Variants in HS3ST5 observed in about 807,000 individuals in gnomAD.
HS3ST5 encodes heparan sulfate glucosamine 3-O-sulfotransferase 5.
A neutral mutation model predicts 25.4 loss-of-function variants in HS3ST5; 10 were observed. The observed-to-expected ratio is 0.39, with a 90% CI of 0.24 to 0.67. The LOEUF (loss-of-function observed/expected upper bound fraction) is 0.67. Among genes scored for constraint, HS3ST5 ranks in the 30% least tolerant of loss-of-function variants. The probability of loss-of-function intolerance (pLI) is 0.44; values close to 1 mark genes in which losing one functional copy is unlikely to be tolerated. For synonymous variants in HS3ST5, 170 were observed against 162.4 expected, an observed-to-expected ratio of 1.05 and a Z score of -0.36; for missense variants, 324 against 420.7, an observed-to-expected ratio of 0.77 and a Z score of 2.01.
At chr6:114,209,302 A>T (rs114834981) in intron 2 of HS3ST5, among the ~76,000 whole-genome samples, 2,104 of 152,140 alleles carry the variant, frequency 0.014, 59 homozygotes, top group African/African-American at 0.049. Context: ...TTAAATTTTT[A>T]AAAAATGTGC....
chr6:114,263,580 A>G (rs1016418418), intron 1 of HS3ST5, among the ~76,000 whole-genome samples: 1 of 152,180 alleles, frequency 6.6e-6, no homozygotes, highest in African/African-American at 2.4e-5. Flanking sequence ...CATTTCTTTT[A>G]AAGTTTCTAT....
At chr6:114,150,550 G>A (rs889833389) in intron 3 of HS3ST5, among the ~76,000 whole-genome samples, 15 of 152,306 alleles carry the variant, frequency 9.8e-5, no homozygotes, top group Admixed American at 3.3e-4. Context: ...ACCTTTATAT[G>A]AAGGACTGGA....
chr6:114,339,180 T>A (rs1776728006), intron 1 of HS3ST5, among the ~76,000 whole-genome samples: 1 of 152,190 alleles, frequency 6.6e-6, no homozygotes, highest in African/African-American at 2.4e-5. Flanking sequence ...AATATTCACA[T>A]AATTTCAATG....
chr6:114,288,339 C>T (rs1774427065), intron 1 of HS3ST5, among the ~76,000 whole-genome samples: 1 of 151,950 alleles, frequency 6.6e-6, no homozygotes, highest in African/African-American at 2.4e-5. Context: ...AAAATCAATG[C>T]AATGGTACAT....
At chr6:114,199,041 A>T (rs1780893377) in intron 2 of HS3ST5, among the ~76,000 whole-genome samples, 1 of 152,206 alleles carries the variant, frequency 6.6e-6, no homozygotes, top group Non-Finnish European at 1.5e-5. Flanking sequence ...TCCAAGACAT[A>T]GGGCAACTGT....
chr6:114,204,243 G>A (rs1781163930), intron 2 of HS3ST5, among the ~76,000 whole-genome samples: 1 of 152,154 alleles, frequency 6.6e-6, no homozygotes, highest in Non-Finnish European at 1.5e-5. Flanking sequence ...AGGGCTTTGG[G>A]AGAGACAGTG....
At chr6:114,119,164 C>G (rs765994667) in intron 3 of HS3ST5, among the ~76,000 whole-genome samples, 2 of 152,152 alleles carry the variant, frequency 1.3e-5, no homozygotes, top group South Asian at 4.2e-4. Flanking sequence ...GCCCACAAAC[C>G]TAAAGGGAAA....
At chr6:114,280,576 T>A (rs924197243) in intron 1 of HS3ST5, among the ~76,000 whole-genome samples, 1 of 152,052 alleles carries the variant, frequency 6.6e-6, no homozygotes, top group African/African-American at 2.4e-5. Flanking sequence ...AACTATTAAG[T>A]TACTTCTGAC....
intron 3 of HS3ST5, chr6:114,112,554 A>G (rs1329869186): frequency 6.6e-6 from 1 of 152,194 alleles, no homozygotes; most frequent in Non-Finnish European, 1.5e-5. Flanking sequence ...TAGAAAACTA[A>G]TGCCCACGGT....
At chr6:114,315,198 A>T (rs1247338560) in intron 1 of HS3ST5, among the ~76,000 whole-genome samples, 1 of 152,188 alleles carries the variant, frequency 6.6e-6, no homozygotes, top group Non-Finnish European at 1.5e-5. Flanking sequence ...ATATGTAAAC[A>T]TGAATGGTTA....
At chr6:114,340,754 A>G (rs1408433723) in intron 1 of HS3ST5, 1 of 152,234 alleles carries the variant, frequency 6.6e-6, no homozygotes, top group Non-Finnish European at 1.5e-5. Context: ...TTTGATATTC[A>G]TATTTGTAAT....
chr6:114,125,995 A>G (rs1343629459), intron 3 of HS3ST5, among the ~76,000 whole-genome samples: 1 of 152,224 alleles, frequency 6.6e-6, no homozygotes, highest in East Asian at 1.9e-4. Flanking sequence ...CATTGAGACA[A>G]CAAAGCTCTT....
chr6:114,168,902 T>C (rs539789412), intron 2 of HS3ST5, among the ~76,000 whole-genome samples: 3 of 152,336 alleles, frequency 2.0e-5, no homozygotes, highest in South Asian at 2.1e-4. Flanking sequence ...ATATCAATCA[T>C]TCTTACCTTT....
At chr6:114,158,026 C>T (rs1778780200) in intron 3 of HS3ST5, among the ~76,000 whole-genome samples, 1 of 152,320 alleles carries the variant, frequency 6.6e-6, no homozygotes, top group African/African-American at 2.4e-5. Context: ...GGAGCTGTCA[C>T]TTCTTTCAGG....
At chr6:114,134,766 C>T (rs1777511989) in intron 3 of HS3ST5, among the ~76,000 whole-genome samples, 1 of 152,146 alleles carries the variant, frequency 6.6e-6, no homozygotes, top group South Asian at 2.1e-4. Flanking sequence ...AGGGGAGATG[C>T]CTTAGCCCCT....
chr6:114,258,927 A>G (rs897561491), intron 1 of HS3ST5, among the ~76,000 whole-genome samples: 1 of 152,164 alleles, frequency 6.6e-6, no homozygotes. Context: ...GATATGGAAA[A>G]CAAACATTAA....
At chr6:114,194,111 A>C (rs1780630003) in intron 2 of HS3ST5, among the ~76,000 whole-genome samples, 1 of 152,200 alleles carries the variant, frequency 6.6e-6, no homozygotes, top group Non-Finnish European at 1.5e-5. Context: ...ATTGAAAGAA[A>C]CAAGTTATCA....
chr6:114,259,091 G>T (rs1773056388), intron 1 of HS3ST5, among the ~76,000 whole-genome samples: 1 of 152,118 alleles, frequency 6.6e-6, no homozygotes, highest in Non-Finnish European at 1.5e-5. Context: ...TAATATTGTT[G>T]TTATTGATTT....
At chr6:114,224,657 CA>C in intron 2 of HS3ST5, among the ~76,000 whole-genome samples, 1 of 149,490 alleles carries the variant, frequency 6.7e-6, no homozygotes, top group Admixed American at 6.7e-5. Flanking sequence ...ATAAAGTAAT[CA>C]AATAACTTAT....
Sources: gnomAD v4.1 joint callset for allele counts (sites outside exome capture counted in the v4.1 genomes callset) on GRCh38, gnomAD v4.1.1 for gene constraint, MANE v1.5 for transcripts, NCBI Gene and HGNC (gene_info 2026-07-23, HGNC 2026-07-21) for gene names.